The following ZEB1 variants were observed in gnomAD, a reference collection of about 807,000 sequenced individuals.
ZEB1 encodes zinc finger E-box-binding homeobox 1.
A neutral mutation model predicts 84.9 loss-of-function variants in ZEB1; 21 were observed. The observed-to-expected ratio is 0.25, with a 90% CI of 0.18 to 0.36. The LOEUF (loss-of-function observed/expected upper bound fraction) is 0.36, where lower values mean the gene tolerates loss of function less well. Ranked by LOEUF, ZEB1 falls within the 10% of genes least tolerant of loss-of-function variation. ZEB1 has a pLI of 1.00. For synonymous variants in ZEB1, 420 were observed against 471.1 expected (o/e 0.89, Z 1.41); for missense variants, 1,104 against 1,330.2 (o/e 0.83, Z 2.65).
chr10:31,367,562 A>G (rs986524649), intron 1 of ZEB1, among the ~76,000 whole-genome samples: 2 of 152,254 alleles, frequency 1.3e-5, no homozygotes, highest in African/African-American at 4.8e-5. Context: ...TTCATTATAC[A>G]AATGGAGAAA....
At chr10:31,428,852 GT>G (rs1228033638) in intron 1 of ZEB1, among the ~76,000 whole-genome samples, 2 of 152,244 alleles carry the variant, frequency 1.3e-5, no homozygotes. Flanking sequence ...TTTAAAGTCT[GT>G]TTTGTCAGAA....
intron 1 of ZEB1, among the ~76,000 whole-genome samples, chr10:31,397,912 T>A (rs950894514): frequency 1.3e-5 from 2 of 152,170 alleles, no homozygotes; most frequent in African/African-American, 4.8e-5. Context: ...TGGATAGATA[T>A]TATTTTTGAA....
chr10:31,350,505 A>G (rs768494823), intron 1 of ZEB1, among the ~76,000 whole-genome samples: 9 of 152,176 alleles, frequency 5.9e-5, no homozygotes, highest in Non-Finnish European at 1.0e-4. Flanking sequence ...AACCAGGACT[A>G]CCTCATGGAG....
rs747907284 is a variant in ZEB1 at position 31,527,315 on chromosome 10, A to G, written c.*51A>G. 7.1e-6 allele frequency: 11 copies of G among 1,551,710 alleles called. No individual in the cohort carries two copies. The highest frequency in any genetic ancestry group is 4.7e-5 in the South Asian group (4 of 84,490). On this transcript the variant is annotated 3_prime_UTR_variant, in exon 9 of 9. Transcript: ENST00000424869. Reference sequence around the variant, plus strand: ...TCTAATTGATAATGAATTTCGTTCAATATTATCCTTGCTTTTCATGGAAAC... The same window carrying G: ...TCTAATTGATAATGAATTTCGTTCAGTATTATCCTTGCTTTTCATGGAAAC...
intron 4 of ZEB1, among the ~76,000 whole-genome samples, chr10:31,503,953 A>G (rs1432878266): frequency 7.0e-6 from 1 of 141,868 alleles, no homozygotes; most frequent in Admixed American, 6.7e-5. Flanking sequence ...TGTATTCTTC[A>G]TATTAGTCCC....
At chr10:31,382,451 A>G (rs1215817344) in intron 1 of ZEB1, among the ~76,000 whole-genome samples, 3 of 152,170 alleles carry the variant, frequency 2.0e-5, no homozygotes, top group Non-Finnish European at 4.4e-5. Context: ...AATTTGTCCC[A>G]TCTGTTATCA....
chr10:31,415,310 C>T (rs1048162645), intron 1 of ZEB1, among the ~76,000 whole-genome samples: 1 of 152,086 alleles, frequency 6.6e-6, no homozygotes, highest in Non-Finnish European at 1.5e-5. Flanking sequence ...AGAATTCTAG[C>T]TGCTGCTGTT....
In ZEB1 at chr10:31,459,949, TAAGG is replaced by T. The variant is rs2061639806; in HGVS notation, c.59-1084_59-1081del. ...ATTTTTCAAGAATTGTTGGAAAATT[TAAGG>T]AAGCAGTGGAAAGAATAACTGATAG... On this transcript the variant is annotated intron_variant, in intron 1 of 8. Coordinates refer to ENST00000424869, the MANE Select transcript of ZEB1 (RefSeq NM_001174096.2). 2.0e-5 allele frequency among the ~76,000 whole-genome samples: 3 copies of T among 151,644 alleles called. No individual in the cohort carries two copies. In the South Asian group the frequency reaches 6.2e-4, roughly 32 times the overall value.
intron 1 of ZEB1, among the ~76,000 whole-genome samples, chr10:31,443,455 A>G (rs2059305273): frequency 6.7e-6 from 1 of 150,234 alleles, no homozygotes; most frequent in South Asian, 2.1e-4. Flanking sequence ...GTACATGTGC[A>G]CATTGTGCAG....
chr10:31,319,493 C>G (rs527819684), intron 1 of ZEB1: 1 of 611,742 alleles, frequency 1.6e-6, no homozygotes, highest in East Asian at 2.8e-5. Context: ...GCTCGCTCTC[C>G]CTGAACCGTT....
intron 1 of ZEB1, among the ~76,000 whole-genome samples, chr10:31,406,998 GGTTGTAGATGTGTGGT>G (rs1279319148): frequency 3.3e-5 from 5 of 151,782 alleles, no homozygotes; most frequent in African/African-American, 1.2e-4. Context: ...AAGATCAGAT[GGTTGTAGATGTGTGGT>G]GTTATTTCTG....
intron 2 of ZEB1, among the ~76,000 whole-genome samples, chr10:31,487,100 C>G (rs1463578481): frequency 6.6e-6 from 1 of 151,224 alleles, no homozygotes; most frequent in Non-Finnish European, 1.5e-5. Flanking sequence ...GGACTTTGTT[C>G]CATTCTGTTG....
At chr10:31,382,272 C>A (rs2047826811) in intron 1 of ZEB1, among the ~76,000 whole-genome samples, 1 of 152,018 alleles carries the variant, frequency 6.6e-6, no homozygotes, top group Non-Finnish European at 1.5e-5. Flanking sequence ...GATAGACCAG[C>A]AAATGATTTT....
intron 1 of ZEB1, among the ~76,000 whole-genome samples, chr10:31,427,819 A>G (rs572012692): frequency 4.7e-5 from 7 of 148,922 alleles, no homozygotes; most frequent in African/African-American, 1.7e-4. Flanking sequence ...AGATTGCGCC[A>G]CTGCACTCCA....
chr10:31,344,915 A>G (rs1385699052), intron 1 of ZEB1, among the ~76,000 whole-genome samples: 1 of 152,172 alleles, frequency 6.6e-6, no homozygotes, highest in African/African-American at 2.4e-5. Flanking sequence ...AGATTTAATG[A>G]AAAAGAAATC....
At chr10:31,333,042 C>CT (rs1214379794) in intron 1 of ZEB1, among the ~76,000 whole-genome samples, 11 of 152,170 alleles carry the variant, frequency 7.2e-5, no homozygotes, top group African/African-American at 2.2e-4. Context: ...GTTAAGCTGA[C>CT]TTTTTTGGTG....
intron 1 of ZEB1, among the ~76,000 whole-genome samples, chr10:31,412,608 C>T (rs1590997588): frequency 6.6e-6 from 1 of 152,314 alleles, no homozygotes; most frequent in Middle Eastern, 3.4e-3. Flanking sequence ...TTTATGGCTG[C>T]ATAGTATTCC....
intron 1 of ZEB1, among the ~76,000 whole-genome samples, chr10:31,336,724 A>G (rs1050289574): frequency 8.5e-5 from 13 of 152,166 alleles, no homozygotes. Flanking sequence ...AGTGTATTAT[A>G]AGATATTCAA....
At chr10:31,486,652 A>G (rs1380897209) in intron 2 of ZEB1, among the ~76,000 whole-genome samples, 1 of 150,642 alleles carries the variant, frequency 6.6e-6, no homozygotes, top group African/African-American at 2.4e-5. Context: ...ACATATGTAT[A>G]CATGTATTTT....
Sources: allele counts gnomAD v4.1 joint callset (sites outside exome capture counted in the v4.1 genomes callset), GRCh38; gene constraint gnomAD v4.1.1; transcripts MANE v1.5; gene names NCBI Gene and HGNC (gene_info 2026-07-23, HGNC 2026-07-21).